Variants in CSMD2 observed in about 807,000 individuals in gnomAD.
CSMD2 encodes CUB and sushi domain-containing protein 2.
Under a neutral mutation model 398.5 loss-of-function variants are expected in CSMD2, and 130 were observed. The ratio of observed to expected loss-of-function variants is 0.33; its 90% confidence interval spans 0.28 to 0.38. The LOEUF (loss-of-function observed/expected upper bound fraction) is 0.38, where lower values mean the gene tolerates loss of function less well. Among genes scored for constraint, CSMD2 ranks in the 10% least tolerant of loss-of-function variants. The probability of loss-of-function intolerance (pLI) is 1.00; values close to 1 mark genes in which losing one functional copy is unlikely to be tolerated. For synonymous variants in CSMD2, 1,828 were observed against 1,908.5 expected (o/e 0.96, Z 1.10); for missense variants, 3,829 against 4,764.9 (o/e 0.80, Z 5.78).
At chr1:33,837,370 A>C (rs2358516) in intron 6 of CSMD2, among the ~76,000 whole-genome samples, 1 of 152,048 alleles carries the variant, frequency 6.6e-6, no homozygotes, top group Non-Finnish European at 1.5e-5. Flanking sequence ...GGATATATTC[A>C]TTCATGTTGT....
intron 5 of CSMD2, among the ~76,000 whole-genome samples, chr1:33,909,888 A>G (rs71647957): frequency 0.097 from 14,676 of 152,062 alleles, 915 homozygotes; most frequent in Non-Finnish European, 0.14. Flanking sequence ...TGACTTCCCT[A>G]TTGGTGCTCA....
chr1:33,853,306 T>C (rs1638846673), intron 5 of CSMD2, among the ~76,000 whole-genome samples: 1 of 152,184 alleles, frequency 6.6e-6, no homozygotes, highest in Non-Finnish European at 1.5e-5. Flanking sequence ...TTGACATCCA[T>C]TCTCATCAAG....
chr1:33,579,957 G>T (rs953698232), intron 48 of CSMD2, among the ~76,000 whole-genome samples: 22 of 152,154 alleles, frequency 1.4e-4, no homozygotes, highest in African/African-American at 5.3e-4. Context: ...GAGATTACAG[G>T]CGTGAGCCAC....
intron 1 of CSMD2, among the ~76,000 whole-genome samples, chr1:34,104,813 G>A (rs1267308241): frequency 9.2e-5 from 14 of 152,176 alleles, no homozygotes. Context: ...CTTTAGGAAA[G>A]GACCAAGAAC....
chr1:33,973,306 A>G (rs533162341), intron 3 of CSMD2, among the ~76,000 whole-genome samples: 48 of 152,328 alleles, frequency 3.2e-4, no homozygotes, highest in African/African-American at 1.1e-3. Flanking sequence ...CAGACAGCTG[A>G]GAGGGGACAT....
At chr1:33,693,162 ATTCAT>A in intron 24 of CSMD2, 106 bp from the exon 25 acceptor site, 1 of 1,316,218 alleles carries the variant, frequency 7.6e-7, no homozygotes, top group Non-Finnish European at 1.0e-6. Context: ...TCCCTCTCCC[ATTCAT>A]TTCAAGTGAT....
At chr1:33,969,833 C>T (rs1645691353) in intron 3 of CSMD2, among the ~76,000 whole-genome samples, 1 of 151,998 alleles carries the variant, frequency 6.6e-6, no homozygotes, top group African/African-American at 2.4e-5. Context: ...AGAAATTCAG[C>T]CGGGCGTGGT....
chr1:33,997,343 G>A lies in CSMD2; in HGVS notation c.517+35251C>T, dbSNP rs540153375. Reference sequence around the variant, plus strand: ...TTCTCAGTCCAGGTATGTCTCCTGCGGGTCCCTGCGGGTGCCTGCGTGTCC... The same window carrying A: ...TTCTCAGTCCAGGTATGTCTCCTGCAGGTCCCTGCGGGTGCCTGCGTGTCC... On this transcript the variant is annotated intron_variant, in intron 3 of 70. Transcript: ENST00000373381. 4.6e-5 allele frequency among the ~76,000 whole-genome samples: 7 copies of A among 152,314 alleles called. No homozygotes were observed. In the East Asian group the frequency reaches 7.7e-4, roughly 17 times the overall value.
At chr1:33,773,489 C>T (rs1425925555) in intron 12 of CSMD2, among the ~76,000 whole-genome samples, 1 of 152,156 alleles carries the variant, frequency 6.6e-6, no homozygotes, top group Non-Finnish European at 1.5e-5. Flanking sequence ...GGGCCCTGAA[C>T]CCAGTGGGCA....
At chr1:33,637,471 C>G (rs1642874132) in intron 29 of CSMD2, among the ~76,000 whole-genome samples, 2 of 152,172 alleles carry the variant, frequency 1.3e-5, no homozygotes, top group South Asian at 4.1e-4. Flanking sequence ...AGTACTAGTC[C>G]AAGTCCCAAA....
At chr1:34,143,354 C>G (rs1639480190) in intron 1 of CSMD2, among the ~76,000 whole-genome samples, 1 of 152,140 alleles carries the variant, frequency 6.6e-6, no homozygotes, top group Non-Finnish European at 1.5e-5. Flanking sequence ...CTAACTGCCC[C>G]CTAGACCTCC....
At chr1:33,939,974 T>C (rs1366817391) in intron 3 of CSMD2, among the ~76,000 whole-genome samples, 1 of 152,236 alleles carries the variant, frequency 6.6e-6, no homozygotes, top group Non-Finnish European at 1.5e-5. Context: ...CTAGGACTCC[T>C]GTAACAGCAC....
chr1:33,520,797 TACAGAGAGGCTGTCACGC>T (rs2148522505), intron 68 of CSMD2, among the ~76,000 whole-genome samples: 1 of 152,210 alleles, frequency 6.6e-6, no homozygotes, highest in South Asian at 2.1e-4. Flanking sequence ...GTGCCTGGGG[TACAGAGAGGCTGTCACGC>T]ACCTGCGGCT....
chr1:33,612,381 G>A (rs1479014277), intron 40 of CSMD2, among the ~76,000 whole-genome samples: 2 of 152,032 alleles, frequency 1.3e-5, no homozygotes, highest in African/African-American at 4.8e-5. Flanking sequence ...TTCCTTTCCT[G>A]CCCTCCACAG....
chr1:33,628,196 C>G (rs903354960), intron 32 of CSMD2, among the ~76,000 whole-genome samples: 2 of 151,814 alleles, frequency 1.3e-5, no homozygotes, highest in Non-Finnish European at 2.9e-5. Flanking sequence ...CTGGATTCCA[C>G]AAAAACTGAA....
intron 3 of CSMD2, among the ~76,000 whole-genome samples, chr1:33,985,275 C>A (rs572572127): frequency 6.6e-6 from 1 of 152,322 alleles, no homozygotes; most frequent in Non-Finnish European, 1.5e-5. Flanking sequence ...GTAGTCACAG[C>A]TAAATTTAGC....
intron 1 of CSMD2, among the ~76,000 whole-genome samples, chr1:34,092,398 G>A (rs969194981): frequency 4.6e-5 from 7 of 152,310 alleles, no homozygotes; most frequent in Non-Finnish European, 7.3e-5. Flanking sequence ...ATTGTCGGGG[G>A]GAGGAGCCAA....
In CSMD2 at chr1:33,636,612, T is replaced by A. The variant is rs1642821744; in HGVS notation, c.4775-58A>T. On this transcript the variant is annotated intron_variant, in intron 29 of 70. Transcript: ENST00000373381. This position sits in a 1 kb window ranked among gnomAD's most constrained non-coding sequence, Gnocchi z 4.8. The stretch of plus-strand genomic sequence containing the variant: ...CACAGAGGGCTCATGAGGAGGCTAT[T>A]CTTGGGCTCCAGTGCCCATGAGGAG... 1 of 1,488,846 alleles carries A rather than the reference T, an allele frequency of 6.7e-7. No individual in the cohort carries two copies. Among genetic ancestry groups the A allele is most frequent in the Non-Finnish European group, 9.3e-7 (1 of 1,076,972 alleles). 92.2% of individuals were successfully genotyped at this position (1,488,846 alleles called of 1,614,324 possible).
At chr1:34,011,695 C>A (rs1236021470) in intron 3 of CSMD2, among the ~76,000 whole-genome samples, 1 of 152,026 alleles carries the variant, frequency 6.6e-6, no homozygotes, top group Admixed American at 6.5e-5. Context: ...GGTATCCATC[C>A]CCTCAGGCAT....
Sources: gnomAD v4.1 joint callset for allele counts (sites outside exome capture counted in the v4.1 genomes callset) on GRCh38, gnomAD v4.1.1 for gene constraint, Gnocchi (gnomAD v3.1) non-coding constraint, MANE v1.5 for transcripts, NCBI Gene and HGNC (gene_info 2026-07-23, HGNC 2026-07-21) for gene names.